Variants in SOAT1 observed in about 807,000 individuals in gnomAD.
The protein encoded by SOAT1 is sterol O-acyltransferase 1, also known as acyl-coenzyme A:cholesterol acyltransferase 1.
Under a neutral mutation model 69.5 loss-of-function variants are expected in SOAT1, and 55 were observed. The observed-to-expected ratio is 0.79, with a 90% CI of 0.64 to 0.99. The LOEUF (loss-of-function observed/expected upper bound fraction) is 0.99. Ranked by LOEUF, SOAT1 falls within the 50% of genes least tolerant of loss-of-function variation. SOAT1 has a pLI of 0.00. For missense variants in SOAT1, 580 were observed against 669.3 expected (o/e 0.87, Z 1.47); for synonymous variants, 231 against 224.7 (o/e 1.03, Z -0.25).
At chr1:179,353,446 T>G (rs2125008752) in intron 15 of SOAT1, 139 bp from the exon 16 acceptor site, 2 of 753,578 alleles carry the variant, frequency 2.7e-6, no homozygotes. Flanking sequence ...AGTGAGCTGC[T>G]TATACCTTGA....
rs931900518 is a variant in SOAT1, at chr1:179,353,770, C to T, written c.*129C>T. The T allele has an allele frequency of 5.1e-6, 4 of 784,844 alleles. No individual in the cohort carries two copies. Among genetic ancestry groups the T allele is most frequent in the Non-Finnish European group, 8.5e-6 (4 of 468,692 alleles). 48.6% of individuals were successfully genotyped at this position (784,844 alleles called of 1,614,324 possible). A position where few individuals can be genotyped will look rare whatever the true frequency, so the allele number is the denominator to read the frequency against. On this transcript the variant is annotated 3_prime_UTR_variant, in exon 16 of 16. Coordinates refer to ENST00000367619, the MANE Select transcript of SOAT1 (RefSeq NM_003101.6). ...CACTCCAGGCTTTACAGATGACTCA[C>T]TCCATTCCTAGGTCACTTGAAGCCA...
chr1:179,351,737 T>TTTTTTTA (rs1666744264), intron 15 of SOAT1, among the ~76,000 whole-genome samples: 2 of 137,356 alleles, frequency 1.5e-5, no homozygotes, highest in Non-Finnish European at 1.6e-5. Flanking sequence ...TTTTTTTTTT[T>TTTTTTTA]GAGACAGAGT....
In SOAT1 at chr1:179,302,752, A is replaced by G. The variant is rs780506061; in HGVS notation, c.68A>G (p.Asp23Gly). Residue 23 changes from aspartate (D) to glycine (G), a missense_variant, in exon 2 of 16, where the codon GAT (aspartate) becomes GGT (glycine). Asp to Gly is a moderately conservative substitution (Grantham distance 94). Coordinates refer to ENST00000367619, the MANE Select transcript of SOAT1 (RefSeq NM_003101.6). ...LSKSRENPEE[D>G]EDQRNPAKES... ...AAGTCCAGGGAAAATCCTGAGGAAG[A>G]TGAAGACCAGAGAAACCCTGCAAAG... is the stretch of plus-strand genomic sequence containing the variant. 1.9e-6 allele frequency: 3 copies of G among 1,610,174 alleles called. No homozygotes were observed. Among genetic ancestry groups the G allele is most frequent in the South Asian group, 1.1e-5 (1 of 90,392 alleles).
At chr1:179,351,236 G>A in intron 14 of SOAT1, 81 bp from the exon 15 acceptor site, 2 of 1,208,326 alleles carry the variant, frequency 1.7e-6, no homozygotes, top group South Asian at 1.3e-5. Flanking sequence ...TAGAGATGGG[G>A]TTTCACCATG....
chr1:179,319,388 G>A (rs567602601), intron 2 of SOAT1, among the ~76,000 whole-genome samples: 3 of 151,164 alleles, frequency 2.0e-5, no homozygotes, highest in Non-Finnish European at 2.9e-5. Flanking sequence ...ACCTGCCTCA[G>A]CCTCCCAAGT....
intron 1 of SOAT1, among the ~76,000 whole-genome samples, chr1:179,301,681 T>C (rs944255955): frequency 6.6e-6 from 1 of 152,204 alleles, no homozygotes; most frequent in African/African-American, 2.4e-5. Flanking sequence ...GGTAATTTTT[T>C]TCAGAATTGT....
At chr1:179,342,090 A>G (rs1367417033) in intron 7 of SOAT1, 24 bp from the exon 8 acceptor site, 1 of 1,613,112 alleles carries the variant, frequency 6.2e-7, no homozygotes, top group Admixed American at 1.7e-5. Context: ...TTGAAGAGAC[A>G]TCTTTTTCCT....
chr1:179,339,620 G>A, intron 6 of SOAT1, 75 bp downstream of exon 6: 9 of 881,166 alleles, frequency 1.0e-5, no homozygotes, highest in South Asian at 1.7e-5. Flanking sequence ...TTGGTAAAGG[G>A]TAAATTGATT....
intron 3 of SOAT1, among the ~76,000 whole-genome samples, chr1:179,326,817 C>T (rs569197904): frequency 4.6e-5 from 7 of 152,202 alleles, no homozygotes; most frequent in African/African-American, 1.7e-4. Flanking sequence ...ACCTCGGCCT[C>T]CCAAAGTGCA....
At chr1:179,329,873 G>T (rs1388077831) in intron 3 of SOAT1, among the ~76,000 whole-genome samples, 1 of 152,132 alleles carries the variant, frequency 6.6e-6, no homozygotes, top group African/African-American at 2.4e-5. Context: ...AATAATAGGG[G>T]CTTATACAAG....
intron 2 of SOAT1, among the ~76,000 whole-genome samples, chr1:179,306,313 A>G (rs1270360491): frequency 6.6e-6 from 1 of 152,160 alleles, no homozygotes; most frequent in East Asian, 1.9e-4. Flanking sequence ...GGAGGACAAA[A>G]GTGGCTCTAA....
chr1:179,308,794 G>C (rs1203621387), intron 2 of SOAT1, among the ~76,000 whole-genome samples: 1 of 111,946 alleles, frequency 8.9e-6, no homozygotes, highest in Non-Finnish European at 2.0e-5. Flanking sequence ...AAGTTATTAA[G>C]TAATACTTCC....
Position 179,339,475 on chromosome 1 carries a change from C to T in SOAT1, c.427C>T (p.His143Tyr), listed in dbSNP as rs775270656. 6.2e-7 allele frequency: 1 copy of T among 1,612,882 alleles called. No individual in the cohort carries two copies. Among genetic ancestry groups the T allele is most frequent in the Non-Finnish European group, 8.5e-7 (1 of 1,179,418 alleles). ...AGTGGACCACATCAGAACAATATAT[C>T]ACATGTTTATTGCCCTCCTCATTCT... is the stretch of plus-strand genomic sequence containing the variant. Reference protein sequence around the residue: ...LEVDHIRTIYHMFIALLILFI... With the variant: ...LEVDHIRTIYYMFIALLILFI... The change falls in exon 6 of 16, where the codon CAC (histidine) becomes TAC (tyrosine). Residue 143 changes from histidine to tyrosine, a missense_variant. Physicochemically the swap from His to Tyr is moderately conservative, Grantham distance 83. Transcript: ENST00000367619.
chr1:179,307,940 C>T (rs1031110740), intron 2 of SOAT1, among the ~76,000 whole-genome samples: 4 of 152,056 alleles, frequency 2.6e-5, no homozygotes, highest in South Asian at 4.1e-4. Context: ...TACAGGCATG[C>T]GCCACCCTCC....
chr1:179,309,679 C>T (rs1490294193), intron 2 of SOAT1, among the ~76,000 whole-genome samples: 2 of 151,622 alleles, frequency 1.3e-5, no homozygotes, highest in Non-Finnish European at 2.9e-5. Context: ...ATCCTTTGCT[C>T]ACTTTTATTC....
chr1:179,319,957 ATTCT>A lies in SOAT1; in HGVS notation c.119-3479_119-3476del, dbSNP rs374477824. On this transcript the variant is annotated intron_variant, in intron 2 of 15. Coordinates refer to ENST00000367619, the MANE Select transcript of SOAT1 (RefSeq NM_003101.6). ...GTTGAGTTGTAAGAGTTCTTTATGT[ATTCT>A]GGATACAAGTCCCTAATCAGATTTG... Among the ~76,000 whole-genome samples, 193 of 151,968 alleles carry A rather than the reference ATTCT, an allele frequency of 1.3e-3. 7 individuals carry two copies. The South Asian group carries it at 0.039, about 31-fold the overall frequency.
intron 13 of SOAT1, among the ~76,000 whole-genome samples, chr1:179,349,517 G>T (rs2125003411): frequency 6.6e-6 from 1 of 152,020 alleles, no homozygotes; most frequent in South Asian, 2.1e-4. Context: ...AGTAGAGATG[G>T]TGTTTCTCCA....
chr1:179,302,264 C>T (rs1489718667), intron 1 of SOAT1, among the ~76,000 whole-genome samples: 1 of 152,154 alleles, frequency 6.6e-6, no homozygotes, highest in Non-Finnish European at 1.5e-5. Context: ...TTGTGAAATT[C>T]ACGTAAGCCA....
At chr1:179,337,710 A>G (rs1666205186) in intron 4 of SOAT1, 127 bp from the exon 5 acceptor site, 2 of 580,090 alleles carry the variant, frequency 3.4e-6, no homozygotes, top group South Asian at 2.6e-5. Flanking sequence ...CTGTAATCCT[A>G]GTAGTGAAAA....
Sources: allele counts gnomAD v4.1 joint callset (sites outside exome capture counted in the v4.1 genomes callset), GRCh38; gene constraint gnomAD v4.1.1; transcripts MANE v1.5; gene names NCBI Gene and HGNC (gene_info 2026-07-23, HGNC 2026-07-21).